Variants in TNFRSF10B observed in about 807,000 individuals in gnomAD.
The protein encoded by TNFRSF10B is TNF receptor superfamily member 10b.
A neutral mutation model predicts 41.4 loss-of-function variants in TNFRSF10B; 35 were observed. That is an observed-to-expected ratio of 0.85 (90% confidence interval 0.65 to 1.12). TNFRSF10B has a LOEUF of 1.12. TNFRSF10B is among the 50% of genes most tolerant of loss of function. The pLI is 0.00. For synonymous variants in TNFRSF10B, 230 were observed against 215.5 expected, an observed-to-expected ratio of 1.07 and a Z score of -0.59; for missense variants, 584 against 552.7, an observed-to-expected ratio of 1.06 and a Z score of -0.57.
intron 3 of TNFRSF10B, 48 bp downstream of exon 3, chr8:23,030,711 C>A: frequency 6.9e-7 from 1 of 1,443,514 alleles, no homozygotes; most frequent in South Asian, 1.2e-5. Flanking sequence ...ACTTTTATGT[C>A]ATCACCCCGC....
Position 23,020,330 on chromosome 8 carries a change from G to T in TNFRSF10B, c.*2341C>A. The T allele has an allele frequency of 2.2e-6, 1 of 454,052 alleles. No homozygotes were observed. Among genetic ancestry groups the T allele is most frequent in the South Asian group, 1.6e-5 (1 of 64,474 alleles). The allele number at this position is 454,052 out of a possible 1,614,324, so 28.1% of individuals were successfully genotyped here. A position where few individuals can be genotyped will look rare whatever the true frequency, so the allele number is the denominator to read the frequency against. On this transcript the variant is annotated 3_prime_UTR_variant, in exon 9 of 9. Coordinates refer to ENST00000276431, the MANE Select transcript of TNFRSF10B (RefSeq NM_003842.5). The stretch of plus-strand genomic sequence containing the variant: ...CTGTGTCACATGCTATTTGGCCTGG[G>T]GATATAGCAAAGCCTAATGTAACTA...
In TNFRSF10B at chr8:23,021,184, G is replaced by A; in HGVS notation, c.*1487C>T. 4.4e-6 allele frequency: 2 copies of A among 454,098 alleles called. No homozygotes were observed. The highest frequency in any genetic ancestry group is 8.8e-6 in the Non-Finnish European group (2 of 226,804). The allele number at this position is 454,098 out of a possible 1,614,324, so 28.1% of individuals were successfully genotyped here. A position where few individuals can be genotyped will look rare whatever the true frequency, so the allele number is the denominator to read the frequency against. On this transcript the variant is annotated 3_prime_UTR_variant, in exon 9 of 9. Coordinates refer to ENST00000276431, the MANE Select transcript of TNFRSF10B (RefSeq NM_003842.5). ...GGAAAGAGGCTGAAATGGTTACTGA[G>A]GTCTTAAAACAATAATAGAACAGGA...
intron 6 of TNFRSF10B, 147 bp downstream of exon 6, chr8:23,027,575 C>G: frequency 9.2e-7 from 1 of 1,090,884 alleles, no homozygotes; most frequent in Non-Finnish European, 1.3e-6. Flanking sequence ...GGCCATGTGT[C>G]CCCCACAGTC....
intron 2 of TNFRSF10B, among the ~76,000 whole-genome samples, chr8:23,033,830 C>G (rs1210239785): frequency 6.6e-6 from 1 of 151,786 alleles, no homozygotes; most frequent in Non-Finnish European, 1.5e-5. Context: ...AGCGAGCAAG[C>G]GAGAGAGAGC....
At chr8:23,046,096 C>A (rs988960183) in intron 1 of TNFRSF10B, among the ~76,000 whole-genome samples, 3 of 151,862 alleles carry the variant, frequency 2.0e-5, no homozygotes, top group Non-Finnish European at 4.4e-5. Context: ...AGCAATTAGG[C>A]AAGAAAAAGA....
intron 1 of TNFRSF10B, among the ~76,000 whole-genome samples, chr8:23,057,103 A>T (rs1812692421): frequency 6.8e-6 from 1 of 146,794 alleles, no homozygotes; most frequent in East Asian, 2.0e-4. Context: ...GCAGTGGTGC[A>T]ATCTTGGCTC....
At chr8:23,059,537 C>T (rs1254899352) in intron 1 of TNFRSF10B, among the ~76,000 whole-genome samples, 16 of 152,014 alleles carry the variant, frequency 1.1e-4, no homozygotes, top group African/African-American at 2.2e-4. Context: ...GACAGAGTCT[C>T]GTTCTGTCGC....
chr8:23,042,990 G>C, intron 2 of TNFRSF10B, 148 bp downstream of exon 2: 1 of 663,870 alleles, frequency 1.5e-6, no homozygotes, highest in South Asian at 1.9e-5. Flanking sequence ...ATCCTAGCAG[G>C]AAGGCTCCAG....
intron 1 of TNFRSF10B, among the ~76,000 whole-genome samples, chr8:23,067,138 C>G (rs1813011153): frequency 6.6e-6 from 1 of 151,856 alleles, no homozygotes; most frequent in Non-Finnish European, 1.5e-5. Flanking sequence ...ACCACCACAC[C>G]CAGCTAATTT....
intron 2 of TNFRSF10B, among the ~76,000 whole-genome samples, chr8:23,041,433 G>A (rs187614547): frequency 1.9e-4 from 29 of 152,160 alleles, no homozygotes; most frequent in African/African-American, 6.7e-4. Flanking sequence ...TTGGAAGGCC[G>A]AGGTGAGAGG....
intron 8 of TNFRSF10B, 79 bp from the exon 9 acceptor site, chr8:23,023,063 C>A: frequency 6.5e-7 from 1 of 1,550,354 alleles, no homozygotes; most frequent in Non-Finnish European, 8.7e-7. Flanking sequence ...GGCCCAGAAC[C>A]CAAGGCGGGG....
chr8:23,024,398 A>G (rs1490699443), intron 7 of TNFRSF10B, 138 bp from the exon 8 acceptor site: 12 of 876,160 alleles, frequency 1.4e-5, no homozygotes, highest in Non-Finnish European at 2.1e-5. Context: ...GCAACAAGAC[A>G]GGAGACAAAG....
chr8:23,065,799 A>C (rs75371822), intron 1 of TNFRSF10B, among the ~76,000 whole-genome samples: 2,170 of 152,254 alleles, frequency 0.014, 52 homozygotes, highest in African/African-American at 0.05. Flanking sequence ...CACAATGTCA[A>C]GCAATAAGAA....
Position 23,022,743 on chromosome 8 carries a change from C to T in TNFRSF10B, c.1251G>A (p.Lys417=). 6.2e-7 allele frequency: 1 copy of T among 1,614,048 alleles called. No individual in the cohort carries two copies. Among genetic ancestry groups the T allele is most frequent in the Non-Finnish European group, 8.5e-7 (1 of 1,179,998 alleles). Residue 417 remains lysine (K), a synonymous_variant, in exon 9 of 9, where the codon AAG becomes AAA. Coordinates refer to ENST00000276431, the MANE Select transcript of TNFRSF10B (RefSeq NM_003842.5). ...CAGAGCTCAACAAGTGGTCCTCAATCTTCTGCTTGGCAAGTCTCTCTCCCA... is the reference window on the plus strand; with the variant it reads ...CAGAGCTCAACAAGTGGTCCTCAATTTTCTGCTTGGCAAGTCTCTCTCCCA... ...ETLGERLAKQ[K]IEDHLLSSGK...
Position 23,027,292 on chromosome 8 carries a change from GAA to G in TNFRSF10B, c.781-6_781-5del. 1.2e-6 allele frequency: 2 copies of G among 1,614,036 alleles called. No homozygotes were observed. Among genetic ancestry groups the G allele is most frequent in the South Asian group, 2.2e-5 (2 of 91,086 alleles). Reference sequence around the variant, plus strand: ...CAGCCCCAGGTCGTTGTGAGCTCTGGAAAAAGACATTGGGAAGGCAAAAAGCC... The same window carrying G: ...CAGCCCCAGGTCGTTGTGAGCTCTGGAAAGACATTGGGAAGGCAAAAAGCC... On this transcript the variant is annotated splice_polypyrimidine_tract_variant and splice_region_variant and intron_variant, in intron 6 of 8. Coordinates refer to ENST00000276431, the MANE Select transcript of TNFRSF10B (RefSeq NM_003842.5).
chr8:23,035,681 C>T (rs369014350), intron 2 of TNFRSF10B, among the ~76,000 whole-genome samples: 1 of 152,118 alleles, frequency 6.6e-6, no homozygotes, highest in Non-Finnish European at 1.5e-5. Flanking sequence ...TGATGTGGCA[C>T]ATAAGATATT....
chr8:23,036,395 T>C (rs912308710), intron 2 of TNFRSF10B, among the ~76,000 whole-genome samples: 102 of 152,356 alleles, frequency 6.7e-4, no homozygotes, highest in African/African-American at 2.2e-3. Flanking sequence ...TTCTTTTGCC[T>C]GGCCTGCACT....
intron 7 of TNFRSF10B, among the ~76,000 whole-genome samples, chr8:23,025,102 G>A (rs1399811170): frequency 6.6e-6 from 1 of 152,238 alleles, no homozygotes; most frequent in Admixed American, 6.5e-5. Flanking sequence ...AGTGAGCCAT[G>A]ATTGTACCAC....
chr8:23,029,786 C>T, intron 3 of TNFRSF10B, 65 bp from the exon 4 acceptor site: 2 of 1,479,262 alleles, frequency 1.4e-6, no homozygotes, highest in East Asian at 2.3e-5. Flanking sequence ...CCTTCCTCCC[C>T]ACCCCAAGAC....
Sources: allele counts gnomAD v4.1 joint callset (sites outside exome capture counted in the v4.1 genomes callset), GRCh38; gene constraint gnomAD v4.1.1; transcripts MANE v1.5; gene names NCBI Gene and HGNC (gene_info 2026-07-23, HGNC 2026-07-21).